The following GGA2 variants were observed in gnomAD, a reference collection of about 807,000 sequenced individuals.
GGA2 encodes ADP-ribosylation factor-binding protein GGA2.
In GGA2, 48 loss-of-function variants were observed where a neutral mutation model predicts 79.5. The observed-to-expected ratio is 0.60, with a 90% confidence interval of 0.48 to 0.77. The LOEUF is 0.77. GGA2 is among the 30% of genes least tolerant of loss of function. The probability of loss-of-function intolerance (pLI) is 0.00; values close to 1 mark genes in which losing one functional copy is unlikely to be tolerated. For synonymous variants in GGA2, 317 were observed against 302.0 expected, an observed-to-expected ratio of 1.05 and a Z score of -0.51; for missense variants, 770 against 774.0, an observed-to-expected ratio of 0.99 and a Z score of 0.06.
intron 6 of GGA2, 94 bp downstream of exon 6, chr16:23,488,512 G>GCC: frequency 1.3e-6 from 1 of 796,592 alleles, no homozygotes; most frequent in Non-Finnish European, 2.2e-6. Context: ...CATGTAACCT[G>GCC]CCCCCCTCCA....
rs1010580216 is a variant in GGA2, at chr16:23,498,518, A to C, written c.92-2740T>G. Among the ~76,000 whole-genome samples, 3 of 152,190 alleles carry C rather than the reference A, an allele frequency of 2.0e-5. No individual in the cohort carries two copies. In the South Asian group the frequency reaches 6.2e-4, roughly 32 times the overall value. ...CAAGGTAGGAGGATCGCCTGAACCC[A>C]GGACTTCGTGACAAGCCTGGGCAAC... On this transcript the variant is annotated intron_variant, in intron 1 of 16. Coordinates refer to ENST00000309859, the MANE Select transcript of GGA2 (RefSeq NM_015044.4).
chr16:23,470,747 TCAAACAAA>T (rs34615748), intron 14 of GGA2, among the ~76,000 whole-genome samples: 8 of 146,784 alleles, frequency 5.5e-5, no homozygotes, highest in African/African-American at 1.8e-4. Flanking sequence ...AGACTCTGTC[TCAAACAAA>T]CAAACAAACA....
chr16:23,488,471 ACTC>A, intron 6 of GGA2, 132 bp downstream of exon 6: 1 of 686,056 alleles, frequency 1.5e-6, no homozygotes, highest in Non-Finnish European at 2.6e-6. Flanking sequence ...CTGCTACCTC[ACTC>A]CTAAGGGCCT....
chr16:23,504,036 G>A (rs557775176), intron 1 of GGA2, among the ~76,000 whole-genome samples: 14 of 151,600 alleles, frequency 9.2e-5, no homozygotes, highest in South Asian at 4.2e-4. Flanking sequence ...AGCCAAGATC[G>A]TGCCATTGCA....
chr16:23,516,709 C>A (rs1965105442), intron 2 of GGA2, among the ~76,000 whole-genome samples: 1 of 152,178 alleles, frequency 6.6e-6, no homozygotes, highest in Non-Finnish European at 1.5e-5. Context: ...CCTGGCCATG[C>A]ACCTCAGGGA....
At chr16:23,511,414 C>T (rs1965060883), upstream of GGA2, among the ~76,000 whole-genome samples, 2 of 151,990 alleles carry the variant, frequency 1.3e-5, no homozygotes, top group Non-Finnish European at 2.9e-5. Context: ...CCGCTTCGCC[C>T]TCCCAAAGTG....
At chr16:23,482,459 A>C (rs1964659968) in intron 9 of GGA2, among the ~76,000 whole-genome samples, 1 of 152,138 alleles carries the variant, frequency 6.6e-6, no homozygotes, top group African/African-American at 2.4e-5. Flanking sequence ...CACAATAAAG[A>C]GTTAAAATTC....
At chr16:23,470,420 T>G (rs1337465363) in intron 14 of GGA2, among the ~76,000 whole-genome samples, 1 of 152,088 alleles carries the variant, frequency 6.6e-6, no homozygotes, top group Non-Finnish European at 1.5e-5. Context: ...ATCACATTTT[T>G]GAGGAAGATA....
At chr16:23,499,075 A>C (rs921061675) in intron 1 of GGA2, among the ~76,000 whole-genome samples, 2 of 151,866 alleles carry the variant, frequency 1.3e-5, no homozygotes, top group African/African-American at 4.8e-5. Context: ...AGCTCCCCTC[A>C]CAGAATCCAG....
At chr16:23,475,180 G>T in intron 13 of GGA2, 119 bp from the exon 14 acceptor site, 79 of 462,648 alleles carry the variant, frequency 1.7e-4, no homozygotes, top group Middle Eastern at 1.2e-3. Flanking sequence ...AGAGTTAGAT[G>T]TTATATGCCT....
intron 1 of GGA2, among the ~76,000 whole-genome samples, chr16:23,497,344 A>C (rs1207282447): frequency 6.6e-6 from 1 of 152,000 alleles, no homozygotes; most frequent in African/African-American, 2.4e-5. Flanking sequence ...CTGAATTTCC[A>C]GCTCCTGCAG....
chr16:23,474,474 C>T (rs139549457), intron 14 of GGA2, among the ~76,000 whole-genome samples: 1 of 152,090 alleles, frequency 6.6e-6, no homozygotes, highest in Non-Finnish European at 1.5e-5. Flanking sequence ...TCTCCTGCCT[C>T]AGCCTCCCAA....
upstream of GGA2, chr16:23,523,613 TG>T (rs1171066571): frequency 3.9e-5 from 6 of 152,262 alleles, no homozygotes; most frequent in Non-Finnish European, 4.4e-5. Flanking sequence ...TCTGAGTCCT[TG>T]GGGCCTGAGA....
intron 1 of GGA2, among the ~76,000 whole-genome samples, chr16:23,500,336 G>T (rs1414319550): frequency 1.3e-5 from 2 of 152,232 alleles, no homozygotes; most frequent in African/African-American, 4.8e-5. Context: ...TGCCTCACGG[G>T]GAACATGCTG....
At chr16:23,479,411 G>GA (rs1265100409) in intron 11 of GGA2, among the ~76,000 whole-genome samples, 6 of 146,468 alleles carry the variant, frequency 4.1e-5, no homozygotes, top group African/African-American at 7.6e-5. Flanking sequence ...CTCCCTGAGG[G>GA]TCCAGCTCAC....
chr16:23,480,160 C>G, intron 10 of GGA2: 1 of 424,644 alleles, frequency 2.4e-6, no homozygotes, highest in South Asian at 2.4e-5. Flanking sequence ...TCGGCCTTCT[C>G]CAGCTCAGGC....
At chr16:23,490,427 T>C (rs1184635558) in intron 5 of GGA2, among the ~76,000 whole-genome samples, 1 of 152,186 alleles carries the variant, frequency 6.6e-6, no homozygotes, top group Non-Finnish European at 1.5e-5. Flanking sequence ...TGTGTATAAG[T>C]ATGTGTCAAT....
intron 9 of GGA2, among the ~76,000 whole-genome samples, chr16:23,481,892 T>C (rs1030557072): frequency 6.6e-6 from 1 of 152,244 alleles, no homozygotes; most frequent in African/African-American, 2.4e-5. Flanking sequence ...GAACAATTTT[T>C]TTTTTTTAAG....
In GGA2 at chr16:23,478,873, G is replaced by T; in HGVS notation, c.1158+10C>A. The T allele has an allele frequency of 6.3e-7, 1 of 1,593,018 alleles. No individual in the cohort carries two copies. The highest frequency in any genetic ancestry group is 8.6e-7 in the Non-Finnish European group (1 of 1,161,730). ...ATTCTCTCTCCGGGCCCTGGGAAGG[G>T]CATCCTTACCATGCCTGTAACAGGA... On this transcript the variant is annotated intron_variant, in intron 12 of 16. Coordinates refer to ENST00000309859, the MANE Select transcript of GGA2 (RefSeq NM_015044.4).
Sources: allele counts gnomAD v4.1 joint callset (sites outside exome capture counted in the v4.1 genomes callset), GRCh38; gene constraint gnomAD v4.1.1; transcripts MANE v1.5; gene names NCBI Gene and HGNC (gene_info 2026-07-23, HGNC 2026-07-21).